REPS1: variants seen among roughly 807,000 people sequenced by gnomAD.
REPS1 encodes the protein RALBP1 associated Eps domain containing 1.
REPS1 carries 39 observed loss-of-function variants against 100.9 expected under a neutral mutation model. The observed-to-expected ratio is 0.39, with a 90% CI of 0.30 to 0.50. The LOEUF is 0.50. REPS1 is among the 20% of genes least tolerant of loss of function. The probability of loss-of-function intolerance (pLI) is 0.86; values close to 1 mark genes in which losing one functional copy is unlikely to be tolerated. For missense variants in REPS1, 821 were observed against 968.5 expected, an observed-to-expected ratio of 0.85 and a Z score of 2.02; for synonymous variants, 324 against 340.3, an observed-to-expected ratio of 0.95 and a Z score of 0.53.
intron 1 of REPS1, among the ~76,000 whole-genome samples, chr6:138,985,910 T>C (rs1785232155): frequency 6.6e-6 from 1 of 152,172 alleles, no homozygotes; most frequent in African/African-American, 2.4e-5. Context: ...CAAACTAAAA[T>C]AGAACAGAGA....
At chr6:138,921,971 CAA>C (rs1464987455) in intron 10 of REPS1, among the ~76,000 whole-genome samples, 1 of 93,396 alleles carries the variant, frequency 1.1e-5, no homozygotes, top group Non-Finnish European at 2.3e-5. Flanking sequence ...GACCACATCT[CAA>C]AAAGTGTGTG....
chr6:138,956,267 A>C (rs1783382511), intron 1 of REPS1, among the ~76,000 whole-genome samples: 1 of 152,112 alleles, frequency 6.6e-6, no homozygotes, highest in South Asian at 2.1e-4. Context: ...TGCAATTAGA[A>C]AACAGAATAG....
At chr6:138,940,836 A>G (rs1405344098) in intron 8 of REPS1, among the ~76,000 whole-genome samples, 2 of 152,190 alleles carry the variant, frequency 1.3e-5, no homozygotes, top group Non-Finnish European at 2.9e-5. Flanking sequence ...TTAACAACAC[A>G]GCATTCTCTA....
Position 138,904,842 on chromosome 6 carries a change from CA to C in REPS1, c.*221del. On this transcript the variant is annotated 3_prime_UTR_variant, in exon 20 of 20. Coordinates refer to ENST00000450536, the MANE Select transcript of REPS1 (RefSeq NM_001286611.2). Reference sequence around the variant, plus strand: ...TAGGGAACAGAAAAGGTGGGTGTGCCAACAAACACAATCTACCCTCCAGAAA... The same window carrying C: ...TAGGGAACAGAAAAGGTGGGTGTGCCACAAACACAATCTACCCTCCAGAAA... 1 of 411,078 alleles carries C rather than the reference CA, an allele frequency of 2.4e-6. No homozygotes were observed. Among genetic ancestry groups the C allele is most frequent in the South Asian group, 4.0e-5 (1 of 25,296 alleles). The allele number at this position is 411,078 out of a possible 1,614,324, so 25.5% of individuals were successfully genotyped here.
At chr6:138,972,174 G>A (rs924585175) in intron 1 of REPS1, among the ~76,000 whole-genome samples, 1 of 152,140 alleles carries the variant, frequency 6.6e-6, no homozygotes, top group East Asian at 1.9e-4. Context: ...GAGTGAAGTT[G>A]TTCAAATTAA....
intron 8 of REPS1, among the ~76,000 whole-genome samples, chr6:138,938,744 G>A (rs1029613787): frequency 2.0e-5 from 3 of 152,128 alleles, no homozygotes; most frequent in Non-Finnish European, 4.4e-5. Flanking sequence ...TAGTCAGAAA[G>A]GCTCCACAGA....
chr6:138,947,066 CTCTCTCT>C (rs1782674229), intron 2 of REPS1, among the ~76,000 whole-genome samples: 1 of 150,580 alleles, frequency 6.6e-6, no homozygotes, highest in Non-Finnish European at 1.5e-5. Flanking sequence ...CTCTCTCTCT[CTCTCTCT>C]CTCCTGTGGC....
intron 1 of REPS1, among the ~76,000 whole-genome samples, chr6:138,979,240 A>AC (rs1257513944): frequency 6.7e-6 from 1 of 149,802 alleles, no homozygotes; most frequent in African/African-American, 2.5e-5. Context: ...CTATCAAAGG[A>AC]CTCTGTGCAG....
rs368893965 is a variant in REPS1, at chr6:138,925,172, C to T, written c.1338+1229G>A. Among the ~76,000 whole-genome samples, 3 of 137,140 alleles carry T rather than the reference C, an allele frequency of 2.2e-5. 1 individual carries two copies. 90.0% of individuals were successfully genotyped at this position (137,140 alleles called of 152,430 possible). On this transcript the variant is annotated intron_variant, in intron 10 of 19. Coordinates refer to ENST00000450536, the MANE Select transcript of REPS1 (RefSeq NM_001286611.2). The stretch of plus-strand genomic sequence containing the variant: ...ATCAGCCTGGCCAACATGGTGAAAC[C>T]CCGCCTCTACTAAAAAATACACACA...
chr6:138,974,773 C>T (rs190329661), intron 1 of REPS1, among the ~76,000 whole-genome samples: 203 of 152,204 alleles, frequency 1.3e-3, no homozygotes, highest in African/African-American at 4.7e-3. Flanking sequence ...TAAGGCCGGA[C>T]ATGGTGGTTC....
intron 11 of REPS1, among the ~76,000 whole-genome samples, 176 bp downstream of exon 11, chr6:138,920,861 T>C (rs1562520026): frequency 6.6e-6 from 1 of 152,210 alleles, no homozygotes; most frequent in Non-Finnish European, 1.5e-5. Flanking sequence ...CTCCGTAATT[T>C]AAAATAAATT....
intron 19 of REPS1, among the ~76,000 whole-genome samples, chr6:138,906,776 C>T (rs944357457): frequency 6.6e-6 from 1 of 152,202 alleles, no homozygotes; most frequent in Non-Finnish European, 1.5e-5. Flanking sequence ...CCAGGTCCCA[C>T]CTTAGCTCTA....
At chr6:138,966,985 C>T (rs1308717618) in intron 1 of REPS1, among the ~76,000 whole-genome samples, 1 of 152,200 alleles carries the variant, frequency 6.6e-6, no homozygotes, top group Non-Finnish European at 1.5e-5. Flanking sequence ...TCCAATACAA[C>T]AACAGTGTTG....
intron 8 of REPS1, among the ~76,000 whole-genome samples, chr6:138,935,282 A>G (rs956905624): frequency 1.3e-5 from 2 of 152,232 alleles, no homozygotes; most frequent in Admixed American, 1.3e-4. Context: ...ATATTCACCC[A>G]AAATTCTTAT....
At chr6:138,944,847 C>A (rs543897911) in intron 4 of REPS1, among the ~76,000 whole-genome samples, 1 of 152,238 alleles carries the variant, frequency 6.6e-6, no homozygotes, top group East Asian at 1.9e-4. Flanking sequence ...AATAATTATT[C>A]ATTTTACCTT....
Position 138,987,832 on chromosome 6 carries a change from C to G in REPS1, c.-150G>C, listed in dbSNP as rs1206231990. The G allele has an allele frequency of 1.6e-5, 15 of 960,430 alleles. No homozygotes were observed. The highest frequency in any genetic ancestry group is 2.1e-5 in the Non-Finnish European group (15 of 726,784). 59.5% of individuals were successfully genotyped at this position (960,430 alleles called of 1,614,324 possible). ...CGGCCTCACACGCGCCAGGTGCGCC[C>G]GAGCAACAGGGCCCGGAGGTCGCGA... is the stretch of plus-strand genomic sequence containing the variant. On this transcript the variant is annotated 5_prime_UTR_variant, in exon 1 of 20. Transcript: ENST00000450536.
intron 18 of REPS1, among the ~76,000 whole-genome samples, chr6:138,907,802 T>C (rs1447662891): frequency 2.0e-5 from 3 of 151,600 alleles, no homozygotes; most frequent in Admixed American, 2.0e-4. Context: ...AAAAAAGAAA[T>C]TATTAAAAAA....
intron 1 of REPS1, among the ~76,000 whole-genome samples, chr6:138,979,460 G>C (rs116725652): frequency 2.8e-4 from 43 of 152,108 alleles, no homozygotes; most frequent in African/African-American, 1.0e-3. Flanking sequence ...TATACACCCT[G>C]TCTCTAGTTC....
At chr6:138,984,078 C>CTTTTTTTTTTTTTTTTTTTTTTTTT (rs748774209) in intron 1 of REPS1, among the ~76,000 whole-genome samples, 1 of 134,448 alleles carries the variant, frequency 7.4e-6, no homozygotes, top group Non-Finnish European at 1.6e-5. Flanking sequence ...CTCTCTCTCT[C>CTTTTTTTTTTTTTTTTTTTTTTTTT]TTTTTTTTTT....
Sources: gnomAD v4.1 joint callset for allele counts (sites outside exome capture counted in the v4.1 genomes callset) on GRCh38, gnomAD v4.1.1 for gene constraint, MANE v1.5 for transcripts, NCBI Gene and HGNC (gene_info 2026-07-23, HGNC 2026-07-21) for gene names.